Variants in COMMD10 observed in about 807,000 individuals in gnomAD.
COMMD10 encodes the protein COMM domain containing 10, also known as COMM domain-containing protein 10.
A neutral mutation model predicts 28.9 loss-of-function variants in COMMD10; 33 were observed. The observed-to-expected ratio is 1.14, with a 90% CI of 0.87 to 1.53. The LOEUF is 1.53. Among genes scored for constraint, COMMD10 ranks in the 40% most tolerant of loss-of-function variants. The pLI is 0.00. For missense variants in COMMD10, 310 were observed against 233.4 expected (o/e 1.33, Z -2.14); for synonymous variants, 110 against 81.7 (o/e 1.35, Z -1.87).
chr5:116,170,515 C>T (rs573458927), intron 5 of COMMD10, among the ~76,000 whole-genome samples: 2 of 152,260 alleles, frequency 1.3e-5, no homozygotes, highest in African/African-American at 4.8e-5. Flanking sequence ...CAAAAAAGAA[C>T]CCGTATAGCC....
At chr5:116,114,104 G>T (rs1424592925) in intron 4 of COMMD10, among the ~76,000 whole-genome samples, 2 of 152,072 alleles carry the variant, frequency 1.3e-5, no homozygotes. Context: ...TTTGATGGAG[G>T]ATGTGGTGAA....
At chr5:116,118,786 G>A (rs2112747930) in intron 4 of COMMD10, among the ~76,000 whole-genome samples, 1 of 152,178 alleles carries the variant, frequency 6.6e-6, no homozygotes, top group East Asian at 1.9e-4. Flanking sequence ...AGCTGTTGAT[G>A]CAGAAATCAA....
intron 5 of COMMD10, among the ~76,000 whole-genome samples, chr5:116,135,916 A>T (rs947309401): frequency 2.6e-5 from 4 of 152,052 alleles, no homozygotes; most frequent in African/African-American, 7.2e-5. Context: ...CAGTTTCTTT[A>T]TCTGTAAAAT....
chr5:116,096,402 A>G (rs1389826040), intron 4 of COMMD10, among the ~76,000 whole-genome samples: 3 of 151,480 alleles, frequency 2.0e-5, no homozygotes, highest in Admixed American at 6.6e-5. Context: ...GCTTATTGAT[A>G]GTATATGGAA....
intron 2 of COMMD10, among the ~76,000 whole-genome samples, chr5:116,088,300 T>C (rs142116828): frequency 2.5e-3 from 388 of 152,336 alleles, no homozygotes; most frequent in Non-Finnish European, 4.4e-3. Context: ...CTTTGAAGTG[T>C]CTTTCAAATC....
Position 116,093,934 on chromosome 5 carries a change from C to T in COMMD10, c.399+1234C>T, listed in dbSNP as rs370338165. 2.8e-4 allele frequency among the ~76,000 whole-genome samples: 42 copies of T among 152,230 alleles called. No homozygotes were observed. The East Asian group carries it at 7.5e-3, about 27-fold the overall frequency. On this transcript the variant is annotated intron_variant, in intron 4 of 6. Transcript: ENST00000274458. ...AGAGCATACAACTGGGGAAAGGGCACCCTCTTTAATAAATGGTGCTAGGAA... is the reference window on the plus strand; with the variant it reads ...AGAGCATACAACTGGGGAAAGGGCATCCTCTTTAATAAATGGTGCTAGGAA...
chr5:116,182,811 C>G (rs1424845480), intron 5 of COMMD10, among the ~76,000 whole-genome samples: 2 of 152,028 alleles, frequency 1.3e-5, no homozygotes, highest in African/African-American at 2.4e-5. Context: ...ATTGTAATCC[C>G]CATAATCCTC....
At position 116,175,884 on chromosome 5, in the gene COMMD10, G is replaced by A. The variant is rs564649374; in HGVS notation, c.510+41706G>A. ...AGAGGCCAGGGGGAATGAGGAGTAG[G>A]GAGTTATTGTTTAATGGGTACAGAG... is the stretch of plus-strand genomic sequence containing the variant. On this transcript the variant is annotated intron_variant, in intron 5 of 6. Transcript: ENST00000274458. 3.3e-5 allele frequency among the ~76,000 whole-genome samples: 5 copies of A among 152,140 alleles called. No homozygotes were observed. The South Asian group carries it at 1.0e-3, about 32-fold the overall frequency.
At chr5:116,145,071 G>C (rs1388071822) in intron 5 of COMMD10, among the ~76,000 whole-genome samples, 1 of 151,844 alleles carries the variant, frequency 6.6e-6, no homozygotes, top group Non-Finnish European at 1.5e-5. Context: ...GGTTTTGATG[G>C]TGGAAAGAGA....
chr5:116,127,982 G>A (rs1034076702), intron 4 of COMMD10, among the ~76,000 whole-genome samples: 2 of 151,944 alleles, frequency 1.3e-5, no homozygotes, highest in African/African-American at 4.8e-5. Context: ...AGACTGCTCT[G>A]GATAAAAATT....
chr5:116,128,974 G>C (rs1751759557), intron 4 of COMMD10, among the ~76,000 whole-genome samples: 3 of 151,710 alleles, frequency 2.0e-5, no homozygotes, highest in Admixed American at 2.0e-4. Context: ...TTGATCCCTT[G>C]GGTAAGGTGA....
intron 4 of COMMD10, among the ~76,000 whole-genome samples, chr5:116,104,691 C>T (rs968156370): frequency 2.0e-5 from 3 of 151,890 alleles, no homozygotes; most frequent in African/African-American, 7.3e-5. Context: ...ACGATGTCGG[C>T]TCACTGTAAG....
chr5:116,174,714 G>C (rs1419537079), intron 5 of COMMD10, among the ~76,000 whole-genome samples: 2 of 152,112 alleles, frequency 1.3e-5, no homozygotes, highest in Non-Finnish European at 2.9e-5. Flanking sequence ...GATAACTTGT[G>C]TCTCTCTTAC....
chr5:116,284,909 C>A (rs1462540339), intron 5 of COMMD10, among the ~76,000 whole-genome samples: 1 of 151,842 alleles, frequency 6.6e-6, no homozygotes, highest in Admixed American at 6.6e-5. Flanking sequence ...TTTCATATAT[C>A]TTTGTTGGGT....
intron 5 of COMMD10, among the ~76,000 whole-genome samples, chr5:116,174,283 G>A (rs1196694810): frequency 6.6e-6 from 1 of 152,168 alleles, no homozygotes; most frequent in Non-Finnish European, 1.5e-5. Flanking sequence ...AAGGAGGCCA[G>A]TGTGGCAGGA....
In COMMD10 at chr5:116,122,253, T is replaced by G. The variant is rs189945002; in HGVS notation, c.400-11815T>G. ...TTAAATAGGGAATCCTTTCCCCATT[T>G]CTTGTTTTTGTCAGGTTTGTCAAAG... On this transcript the variant is annotated intron_variant, in intron 4 of 6. Coordinates refer to ENST00000274458, the MANE Select transcript of COMMD10 (RefSeq NM_016144.4). 1.3e-3 allele frequency among the ~76,000 whole-genome samples: 193 copies of G among 152,286 alleles called. 2 individuals are homozygous for G. The East Asian group carries it at 0.034, about 27-fold the overall frequency.
intron 5 of COMMD10, among the ~76,000 whole-genome samples, chr5:116,249,656 A>G (rs1750053794): frequency 6.6e-6 from 1 of 151,968 alleles, no homozygotes; most frequent in Non-Finnish European, 1.5e-5. Flanking sequence ...TGTGATGGTC[A>G]ATGGGTTTAT....
intron 5 of COMMD10, among the ~76,000 whole-genome samples, chr5:116,256,703 G>T (rs554526744): frequency 6.6e-6 from 1 of 151,900 alleles, no homozygotes; most frequent in East Asian, 1.9e-4. Flanking sequence ...AAGTCTTAAC[G>T]TGAATTCATT....
chr5:116,277,392 C>G (rs1020112414), intron 5 of COMMD10, among the ~76,000 whole-genome samples: 5 of 151,774 alleles, frequency 3.3e-5, no homozygotes, highest in African/African-American at 4.9e-5. Context: ...AAAATGAACT[C>G]CAGTTTTTAT....
Sources: gnomAD v4.1 joint callset for allele counts (sites outside exome capture counted in the v4.1 genomes callset) on GRCh38, gnomAD v4.1.1 for gene constraint, MANE v1.5 for transcripts, NCBI Gene and HGNC (gene_info 2026-07-23, HGNC 2026-07-21) for gene names.